FNBP1: variants seen among roughly 807,000 people sequenced by gnomAD.
FNBP1 encodes the protein formin binding protein 1, also known as formin-binding protein 1.
Under a neutral mutation model 90.6 loss-of-function variants are expected in FNBP1, and 26 were observed. The observed-to-expected ratio is 0.29, with a 90% CI of 0.21 to 0.40. FNBP1 has a LOEUF of 0.40. Among genes scored for constraint, FNBP1 ranks in the 10% least tolerant of loss-of-function variants. The pLI is 1.00. For synonymous variants in FNBP1, 260 were observed against 265.2 expected, an observed-to-expected ratio of 0.98 and a Z score of 0.19; for missense variants, 635 against 768.0, an observed-to-expected ratio of 0.83 and a Z score of 2.05.
Position 130,001,457 on chromosome 9 carries a change from C to G in FNBP1, c.25-6499G>C, listed in dbSNP as rs373856949. On this transcript the variant is annotated intron_variant, in intron 1 of 16. Transcript: ENST00000446176. The stretch of plus-strand genomic sequence containing the variant: ...TCCTTTGTAACGTTGGTGCAAATGT[C>G]AACACGGTTAAAAAGACAATCCTTA... 5.9e-5 allele frequency among the ~76,000 whole-genome samples: 9 copies of G among 152,284 alleles called. No homozygotes were observed. In the South Asian group the frequency reaches 1.9e-3, roughly 32 times the overall value.
intron 6 of FNBP1, among the ~76,000 whole-genome samples, chr9:129,942,223 C>T (rs1041504418): frequency 6.6e-6 from 1 of 152,072 alleles, no homozygotes; most frequent in African/African-American, 2.4e-5. Context: ...CAGTCACAAA[C>T]TCTCATGGAA....
At chr9:129,942,916 C>T (rs1023175340) in intron 6 of FNBP1, among the ~76,000 whole-genome samples, 1 of 151,412 alleles carries the variant, frequency 6.6e-6, no homozygotes, top group African/African-American at 2.4e-5. Context: ...TGGTCTTGAA[C>T]TCCTGGGCTC....
intron 1 of FNBP1, among the ~76,000 whole-genome samples, chr9:130,019,322 A>T (rs967757831): frequency 6.6e-6 from 1 of 152,132 alleles, no homozygotes; most frequent in East Asian, 1.9e-4. Context: ...AAAAAGATCA[A>T]ATTGTTATAT....
rs1467466221 is a variant in FNBP1, at chr9:129,957,073, T to G, written c.513+287A>C. Among the ~76,000 whole-genome samples, 1 of 151,794 alleles carries G rather than the reference T, an allele frequency of 6.6e-6. No homozygotes were observed. Among genetic ancestry groups the G allele is most frequent in the Non-Finnish European group, 1.5e-5 (1 of 67,912 alleles). Reference sequence around the variant, plus strand: ...TTTTTTTTGGCGATAGTTTCGCTCTTGTTACCCAGGCTGGAGTGCAGTGGC... The same window carrying G: ...TTTTTTTTGGCGATAGTTTCGCTCTGGTTACCCAGGCTGGAGTGCAGTGGC... On this transcript the variant is annotated intron_variant, in intron 6 of 16. Coordinates refer to ENST00000446176, the MANE Select transcript of FNBP1 (RefSeq NM_015033.3). This position sits in a 1 kb window ranked among gnomAD's most constrained non-coding sequence, Gnocchi z 4.3.
In FNBP1 at chr9:130,042,558, A is replaced by G. The variant is rs2059924597; in HGVS notation, c.24+394T>C. Among the ~76,000 whole-genome samples the G allele has an allele frequency of 6.6e-6, 1 of 151,134 alleles. No individual in the cohort carries two copies. Among genetic ancestry groups the G allele is most frequent in the Non-Finnish European group, 1.5e-5 (1 of 67,714 alleles). ...CGCGGCCGGGGCGCCCCGAGACCCA[A>G]CGCAGCGCCGCGCAGCCGGGGCCTC... On this transcript the variant is annotated intron_variant, in intron 1 of 16. Coordinates refer to ENST00000446176, the MANE Select transcript of FNBP1 (RefSeq NM_015033.3). The surrounding 1 kb of genome is among the most constrained non-coding windows in gnomAD (Gnocchi z 5.5).
intron 1 of FNBP1, among the ~76,000 whole-genome samples, chr9:130,002,031 A>C (rs1266764301): frequency 1.9e-4 from 1 of 5,138 alleles, no homozygotes; most frequent in East Asian, 0.013. Flanking sequence ...TCTGCCTCAA[A>C]AAAAAAAAAA....
At chr9:129,916,481 G>T (rs2040271107) in intron 10 of FNBP1, among the ~76,000 whole-genome samples, 2 of 152,046 alleles carry the variant, frequency 1.3e-5, no homozygotes, top group South Asian at 4.2e-4. Context: ...GCCGGGTGTG[G>T]TGGTGCACAC....
At chr9:129,987,881 C>T (rs1209787618) in intron 2 of FNBP1, among the ~76,000 whole-genome samples, 1 of 151,910 alleles carries the variant, frequency 6.6e-6, no homozygotes, top group Non-Finnish European at 1.5e-5. Context: ...AAATTCATTT[C>T]TTTATATATA....
At chr9:130,037,457 C>T (rs79231281) in intron 1 of FNBP1, among the ~76,000 whole-genome samples, 1 of 152,034 alleles carries the variant, frequency 6.6e-6, no homozygotes, top group African/African-American at 2.4e-5. Context: ...AATAATTATC[C>T]AATACCTGGA....
At chr9:129,926,317 G>A (rs1439437300) in intron 8 of FNBP1, among the ~76,000 whole-genome samples, 1 of 152,170 alleles carries the variant, frequency 6.6e-6, no homozygotes, top group Non-Finnish European at 1.5e-5. Context: ...CAAATTAACA[G>A]TAAAAGCCTA....
At position 130,024,274 on chromosome 9, in the gene FNBP1, T is replaced by A. The variant is rs569871377; in HGVS notation, c.24+18678A>T. The stretch of plus-strand genomic sequence containing the variant: ...CCCCCAAAAAAACAGGAAATAATAA[T>A]AAATAAGAAATTTACAAAATTAAAA... On this transcript the variant is annotated intron_variant, in intron 1 of 16. Coordinates refer to ENST00000446176, the MANE Select transcript of FNBP1 (RefSeq NM_015033.3). 2.2e-3 allele frequency among the ~76,000 whole-genome samples: 338 copies of A among 151,828 alleles called. 5 individuals are homozygous for A. The highest frequency in any genetic ancestry group is 3.9e-3 in the Non-Finnish European group (267 of 67,956).
intron 4 of FNBP1, among the ~76,000 whole-genome samples, chr9:129,965,820 GAA>G (rs1294296013): frequency 4.7e-5 from 7 of 147,446 alleles, no homozygotes; most frequent in African/African-American, 1.8e-4. Flanking sequence ...AGGGAGGGAG[GAA>G]GGAAGGAAGG....
intron 1 of FNBP1, among the ~76,000 whole-genome samples, chr9:130,011,663 C>T (rs1184225201): frequency 1.3e-5 from 2 of 152,130 alleles, no homozygotes; most frequent in Non-Finnish European, 2.9e-5. Flanking sequence ...TCTTGAACTT[C>T]CCAGCCTCCA....
At position 129,957,123 on chromosome 9, in the gene FNBP1, C is replaced by T. The variant is rs371465491; in HGVS notation, c.513+237G>A. On this transcript the variant is annotated intron_variant, in intron 6 of 16. Coordinates refer to ENST00000446176, the MANE Select transcript of FNBP1 (RefSeq NM_015033.3). This position sits in a 1 kb window ranked among gnomAD's most constrained non-coding sequence, Gnocchi z 4.3. ...CGTGATCTTGGCTCACTGCAGCCAA[C>T]GCCTCCTGGGCTCAAGCGATTCTCC... 1.3e-5 allele frequency among the ~76,000 whole-genome samples: 2 copies of T among 149,386 alleles called. No homozygotes were observed. Among genetic ancestry groups the T allele is most frequent in the Non-Finnish European group, 3.0e-5 (2 of 67,414 alleles).
At chr9:129,969,056 T>C (rs889603709) in intron 4 of FNBP1, among the ~76,000 whole-genome samples, 1 of 152,220 alleles carries the variant, frequency 6.6e-6, no homozygotes, top group African/African-American at 2.4e-5. Context: ...TCTAAAACTC[T>C]TTTCTTCAAT....
intron 6 of FNBP1, among the ~76,000 whole-genome samples, chr9:129,951,385 T>C (rs888238085): frequency 2.6e-4 from 39 of 152,126 alleles, no homozygotes; most frequent in Admixed American, 2.0e-3. Context: ...TGAGCCATCA[T>C]GCCCAGGTGA....
intron 2 of FNBP1, among the ~76,000 whole-genome samples, chr9:129,985,789 C>T (rs982031465): frequency 6.6e-6 from 1 of 151,584 alleles, no homozygotes; most frequent in Non-Finnish European, 1.5e-5. Flanking sequence ...ATGGTGAAAC[C>T]CCGTCTCTAC....
At position 129,958,520 on chromosome 9, in the gene FNBP1, T is replaced by C. The variant is rs2047290966; in HGVS notation, c.379A>G (p.Ile127Val). ...FHDGRKAQQH[I>V]ETCWKQLESS... ...TCAAGCTGCTTCCAGCAAGTCTCGA[T>C]GTGCTGCTGTGCTTTACGGCCATCG... Residue 127 changes from isoleucine to valine, a missense_variant, in exon 5 of 17, where the codon ATC becomes GTC. Ile to Val is a conservative substitution (Grantham distance 29). Transcript: ENST00000446176. 8.1e-6 allele frequency: 13 copies of C among 1,598,722 alleles called. No individual in the cohort carries two copies. The highest frequency in any genetic ancestry group is 1.1e-5 in the South Asian group (1 of 88,456).
At chr9:129,979,489 C>T in intron 2 of FNBP1, 115 bp from the exon 3 acceptor site, 1 of 692,036 alleles carries the variant, frequency 1.4e-6, no homozygotes, top group Non-Finnish European at 2.5e-6. Context: ...AAAAAGTCCA[C>T]AGCTGAAATC....
Sources: allele counts gnomAD v4.1 joint callset (sites outside exome capture counted in the v4.1 genomes callset), GRCh38; gene constraint gnomAD v4.1.1; non-coding constraint Gnocchi (gnomAD v3.1); transcripts MANE v1.5; gene names NCBI Gene and HGNC (gene_info 2026-07-23, HGNC 2026-07-21).